Variants in PDE1C observed in about 807,000 individuals in gnomAD.
The protein encoded by PDE1C is phosphodiesterase 1C.
Under a neutral mutation model 93.1 loss-of-function variants are expected in PDE1C, and 62 were observed. That is an observed-to-expected ratio of 0.67 (90% CI 0.54 to 0.82). PDE1C has a LOEUF of 0.82. Ranked by LOEUF, PDE1C falls within the 40% of genes least tolerant of loss-of-function variation. The probability of loss-of-function intolerance (pLI) is 0.00; values close to 1 mark genes in which losing one functional copy is unlikely to be tolerated. For missense variants in PDE1C, 742 were observed against 884.6 expected (o/e 0.84, Z 2.04); for synonymous variants, 325 against 310.1 (o/e 1.05, Z -0.50).
the PDE1C span, among the ~76,000 whole-genome samples, chr7:31,617,325 C>T: frequency 6.6e-6 from 1 of 151,996 alleles, no homozygotes; most frequent in Non-Finnish European, 1.5e-5. Context: ...CATTGATAAG[C>T]TATTAAAGAA....
At chr7:31,749,324 T>A (rs532107573), downstream of PDE1C, among the ~76,000 whole-genome samples, 1 of 152,192 alleles carries the variant, frequency 6.6e-6, no homozygotes, top group South Asian at 2.1e-4. Context: ...GTGGTGGAAG[T>A]GGAAAGGATA....
the PDE1C span, among the ~76,000 whole-genome samples, chr7:31,688,113 G>A: frequency 6.6e-6 from 1 of 152,102 alleles, no homozygotes; most frequent in African/African-American, 2.4e-5. Flanking sequence ...GATCCAAGAA[G>A]GTCCCTCACA....
At chr7:32,320,030 T>C (rs1423289793) in intron 1 of PDE1C, among the ~76,000 whole-genome samples, 1 of 152,078 alleles carries the variant, frequency 6.6e-6, no homozygotes, top group Non-Finnish European at 1.5e-5. Context: ...CACAGCCAAA[T>C]TGGGGAGGGG....
At chr7:31,960,891 T>G (rs2129031211) in intron 2 of PDE1C, among the ~76,000 whole-genome samples, 1 of 152,314 alleles carries the variant, frequency 6.6e-6, no homozygotes, top group Non-Finnish European at 1.5e-5. Flanking sequence ...CTCCAGGATC[T>G]TTGTCAGTCA....
At chr7:31,850,843 G>T in intron 7 of PDE1C, 102 bp from the exon 8 acceptor site, 1 of 801,398 alleles carries the variant, frequency 1.2e-6, no homozygotes, top group Admixed American at 1.9e-5. Context: ...CCTGCAGCTG[G>T]TAAGCTATTG....
chr7:32,090,588 C>T (rs1797418341), intron 3 of PDE1C, among the ~76,000 whole-genome samples: 1 of 152,162 alleles, frequency 6.6e-6, no homozygotes, highest in Admixed American at 6.5e-5. Flanking sequence ...ACCCAGATAG[C>T]AGACCAATAA....
chr7:31,653,125 C>A, the PDE1C span: 1 of 460,156 alleles, frequency 2.2e-6, no homozygotes, highest in Non-Finnish European at 3.4e-6. Context: ...GAATTGCAAA[C>A]AAAAAGTATC....
the PDE1C span, among the ~76,000 whole-genome samples, chr7:31,663,102 T>C: frequency 6.6e-6 from 1 of 152,180 alleles, no homozygotes. Flanking sequence ...CAGTCCTCTA[T>C]CCAGCTATTA....
chr7:31,846,353 A>T (rs1792600731), intron 9 of PDE1C, among the ~76,000 whole-genome samples: 1 of 151,808 alleles, frequency 6.6e-6, no homozygotes, highest in African/African-American at 2.4e-5. Flanking sequence ...GATCTTTGAA[A>T]AGCCTGACAA....
intron 2 of PDE1C, among the ~76,000 whole-genome samples, chr7:31,981,147 A>T (rs1169175300): frequency 6.6e-6 from 1 of 152,208 alleles, no homozygotes; most frequent in Non-Finnish European, 1.5e-5. Flanking sequence ...TATTTAAGTT[A>T]TTCTTGTAAC....
intron 16 of PDE1C, among the ~76,000 whole-genome samples, chr7:31,776,690 T>TATTC (rs1383408200): frequency 1.5e-4 from 23 of 152,158 alleles, no homozygotes; most frequent in Admixed American, 1.4e-3. Context: ...AATATTTATT[T>TATTC]ATTCATTCAT....
intron 1 of PDE1C, among the ~76,000 whole-genome samples, chr7:32,253,329 C>T (rs1313122801): frequency 1.3e-5 from 2 of 152,128 alleles, no homozygotes; most frequent in African/African-American, 2.4e-5. Context: ...ATAACAAGAT[C>T]TTTTTTGTTG....
chr7:31,925,483 A>G (rs1474134067), intron 2 of PDE1C, among the ~76,000 whole-genome samples: 2 of 146,934 alleles, frequency 1.4e-5, no homozygotes, highest in Admixed American at 6.9e-5. Flanking sequence ...CTTAAAAAAA[A>G]GAAAAGATGT....
chr7:31,929,241 T>A (rs542766570), intron 2 of PDE1C, among the ~76,000 whole-genome samples: 1 of 152,232 alleles, frequency 6.6e-6, no homozygotes, highest in Non-Finnish European at 1.5e-5. Context: ...GAGCTAACTA[T>A]CCTAAATATA....
At position 31,809,046 on chromosome 7, in the gene PDE1C, A is replaced by G; in HGVS notation, c.1876T>C (p.Ser626Pro). ...ATACTCTTACCATCTGTTTTCTTTG[A>G]ATCATTTCCGATGTTAGAGTGATCC... ...KKDHSNIGND[S>P]KKTDGTKQRS... The change falls in exon 16 of 18, where the codon TCA (serine) becomes CCA (proline). Residue 626 changes from serine (S) to proline (P), a missense_variant. Physicochemically the swap from Ser to Pro is moderately conservative, Grantham distance 74 (BLOSUM62 -1). Around this residue, in one of 4 missense-constraint regions of PDE1C, gnomAD observed 454 missense variants for 459.4 expected, o/e 0.99. Transcript: ENST00000396191. 6.3e-7 allele frequency: 1 copy of G among 1,582,976 alleles called. No homozygotes were observed. The highest frequency in any genetic ancestry group is 8.7e-7 in the Non-Finnish European group (1 of 1,153,150).
chr7:31,937,757 C>T (rs1243791029), intron 2 of PDE1C, among the ~76,000 whole-genome samples: 1 of 152,150 alleles, frequency 6.6e-6, no homozygotes, highest in African/African-American at 2.4e-5. Context: ...GTTATGCTTA[C>T]TACTATTTGC....
intron 7 of PDE1C, among the ~76,000 whole-genome samples, chr7:31,851,913 G>A (rs895667625): frequency 1.3e-5 from 2 of 152,140 alleles, no homozygotes; most frequent in Non-Finnish European, 2.9e-5. Context: ...ACATCTTTAA[G>A]TTCCCACTTA....
the PDE1C span, among the ~76,000 whole-genome samples, chr7:31,745,917 T>C: frequency 6.6e-6 from 1 of 152,196 alleles, no homozygotes; most frequent in Non-Finnish European, 1.5e-5. Flanking sequence ...ATGCTGAGTA[T>C]GGTGGGCGAG....
chr7:31,763,842 A>G (rs1794977035), intron 17 of PDE1C, among the ~76,000 whole-genome samples: 1 of 152,292 alleles, frequency 6.6e-6, no homozygotes, highest in South Asian at 2.1e-4. Flanking sequence ...GTTTTATTAC[A>G]TGAAAGATCT....
Sources: gnomAD v4.1 joint callset for allele counts (sites outside exome capture counted in the v4.1 genomes callset) on GRCh38, gnomAD v4.1.1 for gene constraint, gnomAD v4.1.1 regional missense constraint, MANE v1.5 for transcripts, NCBI Gene and HGNC (gene_info 2026-07-23, HGNC 2026-07-21) for gene names.